Variants in PCDH7 observed in about 807,000 individuals in gnomAD.
PCDH7 encodes the protein protocadherin-7.
In PCDH7, 17 loss-of-function variants were observed where a neutral mutation model predicts 58.9. That is an observed-to-expected ratio of 0.29 (90% CI 0.20 to 0.43). PCDH7 has a LOEUF of 0.43. Ranked by LOEUF, PCDH7 falls within the 20% of genes least tolerant of loss-of-function variation. The pLI is 1.00. For synonymous variants in PCDH7, 664 were observed against 616.4 expected, an observed-to-expected ratio of 1.08 and a Z score of -1.14; for missense variants, 1,274 against 1,441.0, an observed-to-expected ratio of 0.88 and a Z score of 1.88.
At chr4:30,779,420 T>A (rs2109286980) in intron 1 of PCDH7, among the ~76,000 whole-genome samples, 1 of 152,322 alleles carries the variant, frequency 6.6e-6, no homozygotes, top group East Asian at 1.9e-4. Context: ...CATATCAATC[T>A]TTAAATCAAT....
At chr4:31,136,895 G>T (rs976786620) in intron 3 of PCDH7, among the ~76,000 whole-genome samples, 1 of 123,544 alleles carries the variant, frequency 8.1e-6, no homozygotes, top group Non-Finnish European at 1.6e-5. Context: ...AAAAGTTTTG[G>T]TTAACCAGCA....
At chr4:30,963,446 A>T (rs1017599422) in intron 3 of PCDH7, among the ~76,000 whole-genome samples, 1 of 152,308 alleles carries the variant, frequency 6.6e-6, no homozygotes, top group South Asian at 2.1e-4. Flanking sequence ...TTATAATATG[A>T]TATACTTTTA....
At chr4:30,820,515 A>G (rs990865655) in intron 1 of PCDH7, among the ~76,000 whole-genome samples, 2 of 152,182 alleles carry the variant, frequency 1.3e-5, no homozygotes, top group African/African-American at 2.4e-5. Flanking sequence ...ATGATAAATC[A>G]TATTCAAATG....
intron 3 of PCDH7, among the ~76,000 whole-genome samples, chr4:31,068,243 G>A (rs1238501204): frequency 1.3e-5 from 2 of 151,564 alleles, no homozygotes; most frequent in Non-Finnish European, 2.9e-5. Context: ...ATGAAGGCAT[G>A]GAGTAGATGG....
chr4:30,970,902 G>A (rs755900585), intron 3 of PCDH7, among the ~76,000 whole-genome samples: 4 of 152,164 alleles, frequency 2.6e-5, no homozygotes, highest in Non-Finnish European at 4.4e-5. Context: ...TGTTCCTCAT[G>A]TGCAAAGTGT....
chr4:31,049,903 A>T (rs1756600862), intron 3 of PCDH7, among the ~76,000 whole-genome samples: 1 of 152,132 alleles, frequency 6.6e-6, no homozygotes, highest in Admixed American at 6.6e-5. Flanking sequence ...TAGGGATGGG[A>T]TTATCTCTGC....
chr4:30,916,716 C>G (rs529507115), intron 1 of PCDH7, among the ~76,000 whole-genome samples: 19 of 152,312 alleles, frequency 1.2e-4, no homozygotes, highest in African/African-American at 4.3e-4. Flanking sequence ...TCCCTGGAAA[C>G]TATTTTATAC....
At chr4:30,976,339 C>G (rs1750068967) in intron 3 of PCDH7, among the ~76,000 whole-genome samples, 1 of 151,374 alleles carries the variant, frequency 6.6e-6, no homozygotes, top group South Asian at 2.1e-4. Flanking sequence ...GATCCGCCCA[C>G]CTCAGCCTCC....
intron 1 of PCDH7, among the ~76,000 whole-genome samples, chr4:30,859,610 T>TA (rs1227123548): frequency 6.6e-6 from 1 of 152,026 alleles, no homozygotes; most frequent in Non-Finnish European, 1.5e-5. Context: ...CAGCTAATTT[T>TA]TGTACTTTTA....
Position 31,016,964 on chromosome 4 carries a change from T to C in PCDH7, c.*7+66749T>C, listed in dbSNP as rs77730351. On this transcript the variant is annotated intron_variant, in intron 3 of 3. Coordinates refer to the PCDH7 transcript ENST00000509759. ...TGTGCTGGGTGTGTGTATGTGTTTGTGTGTGTGTGTGAGAGAGAGAGAGTT... is the reference window on the plus strand; with the variant it reads ...TGTGCTGGGTGTGTGTATGTGTTTGCGTGTGTGTGTGAGAGAGAGAGAGTT... Among the ~76,000 whole-genome samples, 1,456 of 151,414 alleles carry C rather than the reference T, an allele frequency of 9.6e-3. 30 individuals are homozygous for C. The highest frequency in any genetic ancestry group is 0.034 in the African/African-American group (1,385 of 41,236).
chr4:30,764,909 C>G (rs920683124), intron 1 of PCDH7, among the ~76,000 whole-genome samples: 2 of 151,902 alleles, frequency 1.3e-5, no homozygotes, highest in Non-Finnish European at 2.9e-5. Context: ...TTACTAGAGA[C>G]GAGGTTTCAC....
chr4:31,040,699 C>G (rs1755792806), intron 3 of PCDH7, among the ~76,000 whole-genome samples: 1 of 152,086 alleles, frequency 6.6e-6, no homozygotes, highest in Non-Finnish European at 1.5e-5. Context: ...CATGTTAAAC[C>G]AACTTCAAAA....
intron 1 of PCDH7, among the ~76,000 whole-genome samples, chr4:30,807,923 G>A (rs536996061): frequency 1.9e-4 from 29 of 152,236 alleles, no homozygotes; most frequent in Middle Eastern, 3.4e-3. Context: ...GTCCACCCAG[G>A]TTTCGTTTTT....
intron 1 of PCDH7, among the ~76,000 whole-genome samples, chr4:30,769,997 T>C (rs1055984268): frequency 3.9e-5 from 6 of 152,186 alleles, no homozygotes; most frequent in African/African-American, 1.2e-4. Flanking sequence ...AAATTTAGCC[T>C]GAAGTGGCCA....
In PCDH7 at chr4:31,129,645, T is replaced by G. The variant is rs547766157; in HGVS notation, c.*8-12828T>G. On this transcript the variant is annotated intron_variant, in intron 3 of 3. Coordinates refer to the PCDH7 transcript ENST00000509759. Reference sequence around the variant, plus strand: ...TAAATTTTGTTATTATTATTATTATTGAGAAGGAGTCTGGCTCTGTCTCCC... The same window carrying G: ...TAAATTTTGTTATTATTATTATTATGGAGAAGGAGTCTGGCTCTGTCTCCC... Among the ~76,000 whole-genome samples the G allele has an allele frequency of 8.2e-4, 125 of 152,222 alleles. 1 individual carries two copies. Among genetic ancestry groups the G allele is most frequent in the African/African-American group, 2.8e-3 (117 of 41,524 alleles).
rs571192395 is a variant in PCDH7, at chr4:30,908,177, G to A, written c.71-11976G>A. 7.4e-4 allele frequency among the ~76,000 whole-genome samples: 112 copies of A among 150,910 alleles called. 4 individuals are homozygous for A. In the South Asian group the frequency reaches 0.021, roughly 29 times the overall value. On this transcript the variant is annotated intron_variant, in intron 1 of 3. Coordinates refer to the PCDH7 transcript ENST00000509759. Reference sequence around the variant, plus strand: ...GTTGATGGGTGCAGCAAACCAGCATGGCACATGTATGCCTATGTAACAAAC... The same window carrying A: ...GTTGATGGGTGCAGCAAACCAGCATAGCACATGTATGCCTATGTAACAAAC...
chr4:30,734,079 C>T (rs940324154), downstream of PCDH7, among the ~76,000 whole-genome samples: 1 of 144,216 alleles, frequency 6.9e-6, no homozygotes, highest in African/African-American at 2.5e-5. Flanking sequence ...TAAAAAAAAA[C>T]ACACAAAAAA....
chr4:30,896,296 G>T (rs1165725898), intron 1 of PCDH7, among the ~76,000 whole-genome samples: 1 of 151,990 alleles, frequency 6.6e-6, no homozygotes, highest in Non-Finnish European at 1.5e-5. Flanking sequence ...ATAAAATGTT[G>T]TTTGTTGAAA....
At position 30,981,894 on chromosome 4, in the gene PCDH7, T is replaced by C. The variant is rs987619953; in HGVS notation, c.*7+31679T>C. On this transcript the variant is annotated intron_variant, in intron 3 of 3. Transcript: ENST00000509759. ...ACTGTAGAATGCCATTCACCATTGT[T>C]GGCAGCCTATGTTCTATTTCTATTG... is the stretch of plus-strand genomic sequence containing the variant. Among the ~76,000 whole-genome samples, 3 of 152,324 alleles carry C rather than the reference T, an allele frequency of 2.0e-5. No homozygotes were observed. In the South Asian group the frequency reaches 6.2e-4, roughly 32 times the overall value.
Sources: gnomAD v4.1 joint callset for allele counts (sites outside exome capture counted in the v4.1 genomes callset) on GRCh38, gnomAD v4.1.1 for gene constraint, MANE v1.5 for transcripts, NCBI Gene and HGNC (gene_info 2026-07-23, HGNC 2026-07-21) for gene names.